Variants in HS6ST3 observed in about 807,000 individuals in gnomAD.
The protein encoded by HS6ST3 is heparan-sulfate 6-O-sulfotransferase 3.
HS6ST3 carries 12 observed loss-of-function variants against 36.7 expected under a neutral mutation model. That is an observed-to-expected ratio of 0.33 (90% CI 0.21 to 0.53). HS6ST3 has a LOEUF of 0.53. HS6ST3 is among the 20% of genes least tolerant of loss of function. The probability of loss-of-function intolerance (pLI) is 0.95; values close to 1 mark genes in which losing one functional copy is unlikely to be tolerated. For synonymous variants in HS6ST3, 240 were observed against 257.5 expected (o/e 0.93, Z 0.65); for missense variants, 584 against 640.9 (o/e 0.91, Z 0.96).
chr13:96,797,384 G>A (rs1877940003), intron 1 of HS6ST3, among the ~76,000 whole-genome samples: 1 of 152,034 alleles, frequency 6.6e-6, no homozygotes, highest in Non-Finnish European at 1.5e-5. Flanking sequence ...CCCTGGAGTA[G>A]CTCCAGCTGA....
chr13:96,328,414 C>A (rs1428876240), intron 1 of HS6ST3, among the ~76,000 whole-genome samples: 1 of 152,002 alleles, frequency 6.6e-6, no homozygotes, highest in African/African-American at 2.4e-5. Flanking sequence ...TTGTCCAAGG[C>A]CTTTTCTGCA....
intron 1 of HS6ST3, among the ~76,000 whole-genome samples, chr13:96,461,808 A>G (rs1240003749): frequency 2.0e-5 from 3 of 152,170 alleles, no homozygotes; most frequent in East Asian, 3.9e-4. Context: ...AGCAATTCCA[A>G]ATTCATTATA....
chr13:96,409,307 A>G (rs979231), intron 1 of HS6ST3, among the ~76,000 whole-genome samples: 73,281 of 152,094 alleles, frequency 0.48, 18,051 homozygotes, highest in Middle Eastern at 0.59. Flanking sequence ...TATAGCAAGG[A>G]CTAATGAATA....
chr13:96,281,418 C>CT (rs948887676), intron 1 of HS6ST3, among the ~76,000 whole-genome samples: 2 of 152,034 alleles, frequency 1.3e-5, no homozygotes, highest in African/African-American at 2.4e-5. Context: ...ACTGTGCATG[C>CT]TTTTTTTGGT....
At chr13:96,223,888 C>G (rs1488741877) in intron 1 of HS6ST3, among the ~76,000 whole-genome samples, 2 of 152,104 alleles carry the variant, frequency 1.3e-5, no homozygotes, top group Non-Finnish European at 2.9e-5. Flanking sequence ...AAGCCATGGG[C>G]AGTTTCTTCC....
intron 1 of HS6ST3, among the ~76,000 whole-genome samples, chr13:96,170,821 A>G (rs1316419338): frequency 1.3e-5 from 2 of 152,242 alleles, no homozygotes; most frequent in Admixed American, 1.3e-4. Context: ...ATTGATAGCA[A>G]GTGAGGCCTT....
At chr13:96,425,763 A>G (rs535084736) in intron 1 of HS6ST3, among the ~76,000 whole-genome samples, 1 of 152,262 alleles carries the variant, frequency 6.6e-6, no homozygotes, top group East Asian at 1.9e-4. Context: ...AATTGCAGGT[A>G]CAATTTGGTG....
chr13:96,365,340 G>A (rs768596179), intron 1 of HS6ST3, among the ~76,000 whole-genome samples: 2 of 152,164 alleles, frequency 1.3e-5, no homozygotes. Context: ...AAAAGCATAT[G>A]TTTTGTGTTT....
intron 1 of HS6ST3, among the ~76,000 whole-genome samples, chr13:96,662,090 G>T (rs2056648288): frequency 6.6e-6 from 1 of 152,076 alleles, no homozygotes; most frequent in Admixed American, 6.5e-5. Context: ...TGTGCATCTT[G>T]CAAACTATCT....
chr13:96,732,945 G>C (rs1876197620), intron 1 of HS6ST3, among the ~76,000 whole-genome samples: 1 of 152,154 alleles, frequency 6.6e-6, no homozygotes, highest in Non-Finnish European at 1.5e-5. Flanking sequence ...ATAGTTTGCT[G>C]TTAGTGTATA....
At chr13:96,621,983 G>A (rs1001400688) in intron 1 of HS6ST3, among the ~76,000 whole-genome samples, 2 of 128,924 alleles carry the variant, frequency 1.6e-5, no homozygotes, top group Non-Finnish European at 3.3e-5. Context: ...TAGGCTCAAA[G>A]CAAAGCAGGG....
At chr13:96,251,568 T>G (rs557770636) in intron 1 of HS6ST3, among the ~76,000 whole-genome samples, 298 of 152,212 alleles carry the variant, frequency 2.0e-3, no homozygotes, top group African/African-American at 6.6e-3. Flanking sequence ...CTATTTCATT[T>G]ATTTCTGCTC....
intron 1 of HS6ST3, among the ~76,000 whole-genome samples, chr13:96,480,468 G>A (rs1057154442): frequency 1.3e-5 from 2 of 152,122 alleles, no homozygotes; most frequent in South Asian, 4.1e-4. Context: ...CTGTGTGCGT[G>A]TGTGCATGTG....
chr13:96,192,618 A>C (rs1277355629), intron 1 of HS6ST3, among the ~76,000 whole-genome samples: 4 of 151,158 alleles, frequency 2.6e-5, no homozygotes, highest in Non-Finnish European at 5.9e-5. Flanking sequence ...ATATATATAT[A>C]TATCACATTT....
chr13:96,666,251 C>G (rs2138427980), intron 1 of HS6ST3, among the ~76,000 whole-genome samples: 1 of 152,218 alleles, frequency 6.6e-6, no homozygotes, highest in East Asian at 1.9e-4. Flanking sequence ...GGGGGTAAGC[C>G]CCACCATGAT....
At chr13:96,354,831 AT>A (rs896679775) in intron 1 of HS6ST3, among the ~76,000 whole-genome samples, 1 of 152,218 alleles carries the variant, frequency 6.6e-6, no homozygotes, top group Non-Finnish European at 1.5e-5. Context: ...TTGCTATCAA[AT>A]ATAGAACCAT....
chr13:96,327,741 A>G (rs1384860259), intron 1 of HS6ST3, among the ~76,000 whole-genome samples: 2 of 152,014 alleles, frequency 1.3e-5, no homozygotes, highest in African/African-American at 2.4e-5. Flanking sequence ...CTTGATGGGG[A>G]TGGCATTGAG....
rs1258713001 is a variant in HS6ST3 at position 96,836,967 on chromosome 13, A to G, written c.*3769A>G. ...TCCTGCCATCACATTTACATTTAAGATAGTAGAGAGGAAGTGGAGGGAAGT... is the reference window on the plus strand; with the variant it reads ...TCCTGCCATCACATTTACATTTAAGGTAGTAGAGAGGAAGTGGAGGGAAGT... On this transcript the variant is annotated 3_prime_UTR_variant, in exon 2 of 2. Coordinates refer to ENST00000376705, the MANE Select transcript of HS6ST3 (RefSeq NM_153456.4). The G allele has an allele frequency of 6.6e-6, 1 of 152,164 alleles. No homozygotes were observed. Among genetic ancestry groups the G allele is most frequent in the Non-Finnish European group, 1.5e-5 (1 of 68,044 alleles). 9.4% of individuals were successfully genotyped at this position (152,164 alleles called of 1,614,324 possible).
chr13:96,666,250 C>T (rs1043680767), intron 1 of HS6ST3, among the ~76,000 whole-genome samples: 1 of 152,150 alleles, frequency 6.6e-6, no homozygotes, highest in African/African-American at 2.4e-5. Flanking sequence ...TGGGGGTAAG[C>T]CCCACCATGA....
Sources: gnomAD v4.1 joint callset for allele counts (sites outside exome capture counted in the v4.1 genomes callset) on GRCh38, gnomAD v4.1.1 for gene constraint, MANE v1.5 for transcripts, NCBI Gene and HGNC (gene_info 2026-07-23, HGNC 2026-07-21) for gene names.